ARHGEF26: variants seen among roughly 807,000 people sequenced by gnomAD.
The protein encoded by ARHGEF26 is Rho guanine nucleotide exchange factor 26.
A neutral mutation model predicts 89.4 loss-of-function variants in ARHGEF26; 59 were observed. That is an observed-to-expected ratio of 0.66 (90% CI 0.54 to 0.82). ARHGEF26 has a LOEUF of 0.82. ARHGEF26 is among the 40% of genes least tolerant of loss of function. The pLI is 0.00. For missense variants in ARHGEF26, 1,234 were observed against 1,085.6 expected (o/e 1.14, Z -1.92); for synonymous variants, 500 against 428.4 (o/e 1.17, Z -2.06).
intron 6 of ARHGEF26, among the ~76,000 whole-genome samples, chr3:154,185,927 C>G (rs946345657): frequency 6.6e-6 from 1 of 152,104 alleles, no homozygotes; most frequent in South Asian, 2.1e-4. Context: ...GGATGAAGAC[C>G]AAATACTTAT....
At position 154,124,466 on chromosome 3, in the gene ARHGEF26, C is replaced by G; in HGVS notation, c.1123+17C>G. 1 of 1,520,954 alleles carries G rather than the reference C, an allele frequency of 6.6e-7. No individual in the cohort carries two copies. The highest frequency in any genetic ancestry group is 8.7e-7 in the Non-Finnish European group (1 of 1,142,940). The allele number at this position is 1,520,954 out of a possible 1,614,324, so 94.2% of individuals were successfully genotyped here. On this transcript the variant is annotated intron_variant, in intron 3 of 14. Transcript: ENST00000465093. ...ATGGGGAAGGTAAGCATTTAATTTT[C>G]CAAACTTTCATTGCTGTTTCAATGT...
At chr3:154,236,013 T>C (rs1031446086) in intron 11 of ARHGEF26, among the ~76,000 whole-genome samples, 1 of 152,200 alleles carries the variant, frequency 6.6e-6, no homozygotes, top group Non-Finnish European at 1.5e-5. Flanking sequence ...ATAGAAATTA[T>C]GGGACAGAAA....
intron 6 of ARHGEF26, among the ~76,000 whole-genome samples, chr3:154,167,485 C>A (rs1220037550): frequency 6.6e-6 from 1 of 152,062 alleles, no homozygotes; most frequent in African/African-American, 2.4e-5. Context: ...TGTTTTAATT[C>A]AAATATAATT....
At chr3:154,232,495 T>G (rs182223554) in intron 11 of ARHGEF26, among the ~76,000 whole-genome samples, 1 of 152,224 alleles carries the variant, frequency 6.6e-6, no homozygotes, top group South Asian at 2.1e-4. Context: ...ACTTGCCAAA[T>G]TGTGGATTTC....
chr3:154,210,959 A>T (rs1384485359), intron 9 of ARHGEF26, among the ~76,000 whole-genome samples: 4 of 151,062 alleles, frequency 2.6e-5, no homozygotes, highest in Non-Finnish European at 5.9e-5. Flanking sequence ...AAAAAAAAAA[A>T]TTTGTCTGGG....
At chr3:154,134,694 A>G (rs1468605154) in intron 4 of ARHGEF26, among the ~76,000 whole-genome samples, 1 of 151,834 alleles carries the variant, frequency 6.6e-6, no homozygotes, top group Non-Finnish European at 1.5e-5. Context: ...CCCATTTAGT[A>G]TGATGTTGGT....
In ARHGEF26 at chr3:154,256,801, C is replaced by A. The variant is rs761759618; in HGVS notation, c.*1328C>A. On this transcript the variant is annotated 3_prime_UTR_variant, in exon 15 of 15. Transcript: ENST00000465093. ...AATTCATTCTATTTGCACTAAAAGC[C>A]TTAACTTGCTGTATTCAGAGTCCCT... 1.9e-5 allele frequency: 29 copies of A among 1,499,254 alleles called. No individual in the cohort carries two copies. The highest frequency in any genetic ancestry group is 2.4e-5 in the Non-Finnish European group (27 of 1,132,678). The allele number at this position is 1,499,254 out of a possible 1,614,324, so 92.9% of individuals were successfully genotyped here. A position where few individuals can be genotyped will look rare whatever the true frequency, so the allele number is the denominator to read the frequency against.
intron 10 of ARHGEF26, among the ~76,000 whole-genome samples, chr3:154,224,239 C>CTCTG (rs1716324932): frequency 6.6e-6 from 1 of 152,018 alleles, no homozygotes; most frequent in African/African-American, 2.4e-5. Context: ...AGTCTTCTAA[C>CTCTG]AATAAATCTG....
At chr3:154,145,231 C>A (rs1193004306) in intron 4 of ARHGEF26, among the ~76,000 whole-genome samples, 1 of 152,170 alleles carries the variant, frequency 6.6e-6, no homozygotes, top group Non-Finnish European at 1.5e-5. Flanking sequence ...CTGCTGTTCC[C>A]ATGTTATTTA....
chr3:154,219,585 A>G (rs1348466484), intron 10 of ARHGEF26, among the ~76,000 whole-genome samples: 8 of 149,384 alleles, frequency 5.4e-5, no homozygotes, highest in Admixed American at 5.3e-4. Flanking sequence ...AAAGAGCAAG[A>G]CTCTTAAAAA....
chr3:154,157,519 G>A (rs1711498530), intron 6 of ARHGEF26, among the ~76,000 whole-genome samples: 1 of 152,144 alleles, frequency 6.6e-6, no homozygotes, highest in Admixed American at 6.6e-5. Flanking sequence ...TGATTTTGTG[G>A]CATTGTAGAG....
chr3:154,201,858 T>A (rs1285751970), intron 9 of ARHGEF26, among the ~76,000 whole-genome samples: 1 of 152,170 alleles, frequency 6.6e-6, no homozygotes, highest in Admixed American at 6.5e-5. Flanking sequence ...GTTGTTTGTT[T>A]TTTTCTTGTA....
rs144793467 is a variant in ARHGEF26, at chr3:154,242,680, C to G, written c.2300+2101C>G. Among the ~76,000 whole-genome samples the G allele has an allele frequency of 3.0e-3, 450 of 152,276 alleles. 1 individual carries two copies. The highest frequency in any genetic ancestry group is 0.01 in the African/African-American group (422 of 41,566). Reference sequence around the variant, plus strand: ...AAGAAGTTCTGCAGAGGATAAAATACTATCAAACAGCATTGCATGCTATAC... The same window carrying G: ...AAGAAGTTCTGCAGAGGATAAAATAGTATCAAACAGCATTGCATGCTATAC... On this transcript the variant is annotated intron_variant, in intron 12 of 14. Coordinates refer to ENST00000465093, the MANE Select transcript of ARHGEF26 (RefSeq NM_015595.4).
At chr3:154,224,100 C>T (rs1454899815) in intron 10 of ARHGEF26, among the ~76,000 whole-genome samples, 2 of 152,152 alleles carry the variant, frequency 1.3e-5, no homozygotes, top group African/African-American at 4.8e-5. Flanking sequence ...TTCTGGTTCA[C>T]ACATGGATTC....
intron 9 of ARHGEF26, among the ~76,000 whole-genome samples, chr3:154,199,144 T>C (rs1714466663): frequency 6.6e-6 from 1 of 151,960 alleles, no homozygotes; most frequent in Admixed American, 6.6e-5. Context: ...ACATAGATCA[T>C]ATAGTAGGTC....
intron 6 of ARHGEF26, among the ~76,000 whole-genome samples, chr3:154,156,003 A>G (rs1186053213): frequency 6.6e-6 from 1 of 152,032 alleles, no homozygotes; most frequent in Non-Finnish European, 1.5e-5. Flanking sequence ...TCTAGATTTT[A>G]ATTATTTGAA....
At position 154,204,346 on chromosome 3, in the gene ARHGEF26, T is replaced by TG. The variant is rs1714867842; in HGVS notation, c.1845+9628_1845+9629insG. ...ATTTTTCTTTTCCTTTTTTTTTTTTTTTTTTGAGACAAGAGTTTTGCTGTA... is the reference window on the plus strand; with the variant it reads ...ATTTTTCTTTTCCTTTTTTTTTTTTTGTTTTTGAGACAAGAGTTTTGCTGTA... On this transcript the variant is annotated intron_variant, in intron 9 of 14. Transcript: ENST00000465093. 2.7e-5 allele frequency among the ~76,000 whole-genome samples: 4 copies of TG among 148,208 alleles called. No individual in the cohort carries two copies. In the South Asian group the frequency reaches 8.5e-4, roughly 31 times the overall value.
chr3:154,121,618 T>A, intron 1 of ARHGEF26, 99 bp downstream of exon 1: 1 of 216,530 alleles, frequency 4.6e-6, no homozygotes, highest in East Asian at 1.0e-4. Context: ...GCGGCGAGTT[T>A]CCCAAGAAAG....
chr3:154,211,498 G>A (rs761868623), intron 9 of ARHGEF26, among the ~76,000 whole-genome samples: 3 of 150,356 alleles, frequency 2.0e-5, no homozygotes, highest in African/African-American at 2.5e-5. Context: ...GCAACATGCC[G>A]CTGCTGTAGG....
Sources: gnomAD v4.1 joint callset for allele counts (sites outside exome capture counted in the v4.1 genomes callset) on GRCh38, gnomAD v4.1.1 for gene constraint, MANE v1.5 for transcripts, NCBI Gene and HGNC (gene_info 2026-07-23, HGNC 2026-07-21) for gene names.